The following CLSTN2 variants were observed in gnomAD, a reference collection of about 807,000 sequenced individuals.
The protein encoded by CLSTN2 is calsyntenin-2.
Under a neutral mutation model 101.2 loss-of-function variants are expected in CLSTN2, and 48 were observed. The ratio of observed to expected loss-of-function variants is 0.47; its 90% CI spans 0.38 to 0.60. The LOEUF (loss-of-function observed/expected upper bound fraction) is 0.60, where lower values mean the gene tolerates loss of function less well. CLSTN2 is among the 20% of genes least tolerant of loss of function. The probability of loss-of-function intolerance (pLI) is 0.00; values close to 1 mark genes in which losing one functional copy is unlikely to be tolerated. For missense variants in CLSTN2, 1,160 were observed against 1,238.2 expected, an observed-to-expected ratio of 0.94 and a Z score of 0.95; for synonymous variants, 481 against 463.6, an observed-to-expected ratio of 1.04 and a Z score of -0.48.
Position 140,510,219 on chromosome 3 carries a change from C to A in CLSTN2, c.1345-22105C>A, listed in dbSNP as rs184932372. On this transcript the variant is annotated intron_variant, in intron 8 of 16. Transcript: ENST00000458420. ...GTTTTTGCTCCATTGTAAAGTTGAA[C>A]AATTATAAGTCAGGGATCATCTGTA... 2.0e-5 allele frequency among the ~76,000 whole-genome samples: 3 copies of A among 152,244 alleles called. No individual in the cohort carries two copies. The East Asian group carries it at 5.8e-4, about 29-fold the overall frequency.
chr3:140,210,037 C>A (rs2107845993), intron 2 of CLSTN2, among the ~76,000 whole-genome samples: 1 of 152,324 alleles, frequency 6.6e-6, no homozygotes, highest in South Asian at 2.1e-4. Flanking sequence ...GCTTCCCTGT[C>A]TCCTCTGAGA....
chr3:139,949,561 G>A (rs1010937767), intron 1 of CLSTN2, among the ~76,000 whole-genome samples: 2 of 152,190 alleles, frequency 1.3e-5, no homozygotes, highest in African/African-American at 4.8e-5. Flanking sequence ...TATAAGTTAT[G>A]GCTGGGGAGC....
intron 5 of CLSTN2, among the ~76,000 whole-genome samples, chr3:140,426,115 C>T (rs1489401906): frequency 6.6e-6 from 1 of 152,126 alleles, no homozygotes; most frequent in Non-Finnish European, 1.5e-5. Flanking sequence ...TGCAATCTTT[C>T]TTTTTAAAGT....
chr3:140,122,044 G>C (rs4605505), intron 1 of CLSTN2, among the ~76,000 whole-genome samples: 1 of 152,174 alleles, frequency 6.6e-6, no homozygotes, highest in East Asian at 1.9e-4. Flanking sequence ...GGAGAGGATT[G>C]TTAATTATAG....
At chr3:140,185,095 T>C (rs1252057726) in intron 2 of CLSTN2, among the ~76,000 whole-genome samples, 11 of 152,214 alleles carry the variant, frequency 7.2e-5, no homozygotes, top group African/African-American at 2.7e-4. Context: ...TGCTGCTCCC[T>C]GTTAACTTCT....
intron 2 of CLSTN2, among the ~76,000 whole-genome samples, chr3:140,378,500 G>A (rs1470070659): frequency 2.6e-5 from 4 of 152,216 alleles, no homozygotes; most frequent in East Asian, 1.9e-4. Flanking sequence ...ACTAGGAAAG[G>A]TGGAGCTCAA....
At chr3:140,207,037 C>T (rs1282572045) in intron 2 of CLSTN2, among the ~76,000 whole-genome samples, 1 of 152,190 alleles carries the variant, frequency 6.6e-6, no homozygotes, top group East Asian at 1.9e-4. Flanking sequence ...CAGGTGCTTA[C>T]TGTATACCCA....
intron 2 of CLSTN2, among the ~76,000 whole-genome samples, chr3:140,383,330 G>A (rs1237124854): frequency 6.6e-6 from 1 of 152,154 alleles, no homozygotes. Context: ...GGTATATAAT[G>A]GGTGCCCATT....
At chr3:140,101,034 A>G in intron 1 of CLSTN2, among the ~76,000 whole-genome samples, 1 of 152,154 alleles carries the variant, frequency 6.6e-6, no homozygotes, top group East Asian at 1.9e-4. Flanking sequence ...GGAAAGAAGC[A>G]CCTGGTACAC....
intron 8 of CLSTN2, among the ~76,000 whole-genome samples, chr3:140,503,863 T>C (rs1559888254): frequency 6.6e-6 from 1 of 152,284 alleles, no homozygotes; most frequent in African/African-American, 2.4e-5. Flanking sequence ...GTATGTGGCA[T>C]AGTGGTGGGG....
At chr3:140,036,240 A>G (rs929296498) in intron 1 of CLSTN2, among the ~76,000 whole-genome samples, 24 of 151,932 alleles carry the variant, frequency 1.6e-4, no homozygotes, top group African/African-American at 5.8e-4. Context: ...CTGAAGCACT[A>G]ACAATCACAT....
intron 1 of CLSTN2, among the ~76,000 whole-genome samples, chr3:140,088,725 A>T (rs550846038): frequency 2.6e-4 from 39 of 152,286 alleles, no homozygotes; most frequent in African/African-American, 8.2e-4. Context: ...GATCTGCACA[A>T]CGGATGTGGT....
At chr3:139,962,877 A>C (rs1935535574) in intron 1 of CLSTN2, among the ~76,000 whole-genome samples, 1 of 152,168 alleles carries the variant, frequency 6.6e-6, no homozygotes, top group Non-Finnish European at 1.5e-5. Flanking sequence ...TCTCCTGTGA[A>C]CATATGCTTT....
intron 4 of CLSTN2, among the ~76,000 whole-genome samples, chr3:140,418,517 C>CTTTTTTTT (rs35463586): frequency 7.3e-5 from 3 of 41,298 alleles, no homozygotes; most frequent in Non-Finnish European, 3.7e-5. Context: ...TTCTTTCTTT[C>CTTTTTTTT]TTTTTTTTTT....
At chr3:140,035,595 A>G (rs2007637145) in intron 1 of CLSTN2, among the ~76,000 whole-genome samples, 1 of 150,456 alleles carries the variant, frequency 6.6e-6, no homozygotes, top group Non-Finnish European at 1.5e-5. Context: ...CATTCCATGT[A>G]GGATAATAAT....
chr3:140,166,359 T>C (rs2107822814), intron 1 of CLSTN2, among the ~76,000 whole-genome samples: 1 of 152,300 alleles, frequency 6.6e-6, no homozygotes, highest in Non-Finnish European at 1.5e-5. Flanking sequence ...AAGACCAGCC[T>C]GACAATTGGA....
At chr3:140,034,599 C>A (rs1210520814) in intron 1 of CLSTN2, among the ~76,000 whole-genome samples, 10 of 152,202 alleles carry the variant, frequency 6.6e-5, no homozygotes. Context: ...GGAGCCCACC[C>A]TGCCTTCCTC....
intron 2 of CLSTN2, among the ~76,000 whole-genome samples, chr3:140,293,460 A>G (rs77943499): frequency 0.027 from 4,064 of 152,322 alleles, 86 homozygotes; most frequent in Non-Finnish European, 0.037. Context: ...TCTTCCACAT[A>G]CATGTATCAC....
Position 140,356,196 on chromosome 3 carries a change from A to G in CLSTN2, c.233-47433A>G, listed in dbSNP as rs565757196. On this transcript the variant is annotated intron_variant, in intron 2 of 16. Coordinates refer to ENST00000458420, the MANE Select transcript of CLSTN2 (RefSeq NM_022131.3). Reference sequence around the variant, plus strand: ...TGCAGAGCCTTGGACCTACAGCTCAATAAACATGGGAACTTAAAAAGAAGA... The same window carrying G: ...TGCAGAGCCTTGGACCTACAGCTCAGTAAACATGGGAACTTAAAAAGAAGA... Among the ~76,000 whole-genome samples the G allele has an allele frequency of 3.3e-5, 5 of 152,322 alleles. No homozygotes were observed. In the East Asian group the frequency reaches 9.7e-4, roughly 29 times the overall value.
Sources: gnomAD v4.1 joint callset for allele counts (sites outside exome capture counted in the v4.1 genomes callset) on GRCh38, gnomAD v4.1.1 for gene constraint, MANE v1.5 for transcripts, NCBI Gene and HGNC (gene_info 2026-07-23, HGNC 2026-07-21) for gene names.